The following PPARGC1A variants were observed in gnomAD, a reference collection of about 807,000 sequenced individuals.
PPARGC1A encodes the protein PPARG coactivator 1 alpha, also known as peroxisome proliferator-activated receptor gamma coactivator 1-alpha.
A neutral mutation model predicts 88.7 loss-of-function variants in PPARGC1A; 25 were observed. The ratio of observed to expected loss-of-function variants is 0.28; its 90% CI spans 0.21 to 0.39. The LOEUF (loss-of-function observed/expected upper bound fraction) is 0.39. PPARGC1A is among the 10% of genes least tolerant of loss of function. The probability of loss-of-function intolerance (pLI) is 1.00; values close to 1 mark genes in which losing one functional copy is unlikely to be tolerated. For missense variants in PPARGC1A, 880 were observed against 968.7 expected, an observed-to-expected ratio of 0.91 and a Z score of 1.22; for synonymous variants, 363 against 355.6, an observed-to-expected ratio of 1.02 and a Z score of -0.24.
chr4:24,251,632 G>A, the PPARGC1A span, among the ~76,000 whole-genome samples: 17,008 of 152,152 alleles, frequency 0.11, 1,110 homozygotes, highest in South Asian at 0.21. Flanking sequence ...TTACTGCCCT[G>A]TGCTCAGTAC....
At chr4:24,437,474 G>C in the PPARGC1A span, among the ~76,000 whole-genome samples, 1 of 152,160 alleles carries the variant, frequency 6.6e-6, no homozygotes, top group Non-Finnish European at 1.5e-5. Context: ...GACATGAGTA[G>C]CCGGACACAG....
the PPARGC1A span, among the ~76,000 whole-genome samples, chr4:24,073,521 T>C: frequency 6.6e-6 from 1 of 152,302 alleles, no homozygotes; most frequent in South Asian, 2.1e-4. Flanking sequence ...TTTCAATAGC[T>C]GAAACCAACC....
the PPARGC1A span, among the ~76,000 whole-genome samples, chr4:24,362,481 G>C: frequency 6.6e-6 from 1 of 151,976 alleles, no homozygotes; most frequent in Admixed American, 6.6e-5. Context: ...GGCTTGGTTT[G>C]GTTTTTTCTA....
At chr4:24,002,274 T>C in the PPARGC1A span, among the ~76,000 whole-genome samples, 1 of 152,036 alleles carries the variant, frequency 6.6e-6, no homozygotes, top group Admixed American at 6.6e-5. Flanking sequence ...ATGACAAGCA[T>C]GCGCCACCAC....
At chr4:24,330,244 C>T in the PPARGC1A span, among the ~76,000 whole-genome samples, 1 of 152,208 alleles carries the variant, frequency 6.6e-6, no homozygotes, top group Non-Finnish European at 1.5e-5. Flanking sequence ...CTGCTTTGAC[C>T]AATAGAGTGC....
At chr4:23,998,813 C>T in the PPARGC1A span, among the ~76,000 whole-genome samples, 4 of 152,182 alleles carry the variant, frequency 2.6e-5, no homozygotes, top group Admixed American at 1.3e-4. Flanking sequence ...CAATAGCTCT[C>T]ATACTAAATG....
the PPARGC1A span, among the ~76,000 whole-genome samples, chr4:24,470,830 C>A: frequency 6.6e-6 from 1 of 151,754 alleles, no homozygotes; most frequent in Non-Finnish European, 1.5e-5. The surrounding 1 kb of genome is among the most constrained non-coding windows in gnomAD (Gnocchi z 5.8). Context: ...ATTATTCACT[C>A]GGATGGCCGC....
chr4:23,828,587 G>T lies in PPARGC1A; in HGVS notation c.570C>A (p.Ser190Arg), dbSNP rs1304158580. 4 of 1,613,960 alleles carry T rather than the reference G, an allele frequency of 2.5e-6. No homozygotes were observed. The highest frequency in any genetic ancestry group is 3.4e-6 in the Non-Finnish European group (4 of 1,179,946). Residue 190 changes from serine (S) to arginine (R), a missense_variant, in exon 5 of 13, where the codon AGC becomes AGA. Physicochemically the swap from Ser to Arg is moderately radical, Grantham distance 110 (BLOSUM62 -1). Transcript: ENST00000264867. Reference protein sequence around the residue: ...PAIVKTENSWSNKAKSICQQQ... With the variant: ...PAIVKTENSWRNKAKSICQQQ... ...GTTGACAAATACTCTTCGCTTTATT[G>T]CTCCATGAATTCTCAGTCTTAAAAA...
At chr4:24,444,935 C>G in the PPARGC1A span, among the ~76,000 whole-genome samples, 1 of 152,032 alleles carries the variant, frequency 6.6e-6, no homozygotes, top group Non-Finnish European at 1.5e-5. Context: ...CACCTGTAGT[C>G]CCAGCTACTC....
chr4:23,857,749 AT>A (rs1730465382), intron 2 of PPARGC1A, among the ~76,000 whole-genome samples: 1 of 151,728 alleles, frequency 6.6e-6, no homozygotes, highest in Admixed American at 6.6e-5. Context: ...GCCTCACACT[AT>A]TCTCACCACT....
intron 1 of PPARGC1A, chr4:23,889,454 A>C (rs375885350): frequency 1.3e-5 from 11 of 837,856 alleles, no homozygotes; most frequent in African/African-American, 7.4e-5. Flanking sequence ...AGAGGGGGGA[A>C]AAATCCGGAC....
chr4:23,911,540 T>C, the PPARGC1A span, among the ~76,000 whole-genome samples: 1 of 152,312 alleles, frequency 6.6e-6, no homozygotes, highest in African/African-American at 2.4e-5. Context: ...ATTTTCCTAA[T>C]GGATCATGAG....
the PPARGC1A span, among the ~76,000 whole-genome samples, chr4:24,147,336 T>C: frequency 0.025 from 3,734 of 152,280 alleles, 166 homozygotes; most frequent in African/African-American, 0.085. Flanking sequence ...TAGGGGTTGT[T>C]TCCCAGCTTC....
the PPARGC1A span, among the ~76,000 whole-genome samples, chr4:23,936,004 A>G: frequency 6.6e-6 from 1 of 152,192 alleles, no homozygotes; most frequent in African/African-American, 2.4e-5. Flanking sequence ...AAGACTTTTC[A>G]GCACGTTTAA....
chr4:24,406,542 A>G, the PPARGC1A span, among the ~76,000 whole-genome samples: 7 of 152,340 alleles, frequency 4.6e-5, no homozygotes, highest in South Asian at 2.1e-4. Flanking sequence ...CTAAACGTCA[A>G]TGCTAGAAAT....
the PPARGC1A span, among the ~76,000 whole-genome samples, chr4:24,045,867 A>G: frequency 1.3e-5 from 2 of 152,126 alleles, no homozygotes; most frequent in Non-Finnish European, 2.9e-5. Flanking sequence ...ACTACCAAAA[A>G]CGGGCTACAT....
At chr4:24,466,998 G>C in the PPARGC1A span, among the ~76,000 whole-genome samples, 1 of 137,878 alleles carries the variant, frequency 7.3e-6, no homozygotes, top group Non-Finnish European at 1.6e-5. Flanking sequence ...AGGGAGGGAG[G>C]AAGGAAGGGG....
the PPARGC1A span, among the ~76,000 whole-genome samples, chr4:24,287,042 A>G: frequency 6.6e-6 from 1 of 152,150 alleles, no homozygotes; most frequent in South Asian, 2.1e-4. Flanking sequence ...GCTACATTCT[A>G]TTCTTTTAAC....
chr4:23,989,204 T>G, the PPARGC1A span, among the ~76,000 whole-genome samples: 1 of 151,840 alleles, frequency 6.6e-6, no homozygotes. Flanking sequence ...GCTTTAGAAT[T>G]TGGGGTGAAG....
Sources: allele counts gnomAD v4.1 joint callset (sites outside exome capture counted in the v4.1 genomes callset), GRCh38; gene constraint gnomAD v4.1.1; non-coding constraint Gnocchi (gnomAD v3.1); transcripts MANE v1.5; gene names NCBI Gene and HGNC (gene_info 2026-07-23, HGNC 2026-07-21).